Variants in THSD4 observed in about 807,000 individuals in gnomAD.
THSD4 encodes thrombospondin type-1 domain-containing protein 4.
THSD4 carries 69 observed loss-of-function variants against 119.0 expected under a neutral mutation model. That is an observed-to-expected ratio of 0.58 (90% CI 0.48 to 0.71). The LOEUF is 0.71. THSD4 is among the 30% of genes least tolerant of loss of function. The probability of loss-of-function intolerance (pLI) is 0.00; values close to 1 mark genes in which losing one functional copy is unlikely to be tolerated. For missense variants in THSD4, 1,393 were observed against 1,391.1 expected (o/e 1.00, Z -0.02); for synonymous variants, 524 against 540.4 (o/e 0.97, Z 0.42).
intron 17 of THSD4, among the ~76,000 whole-genome samples, chr15:71,773,275 G>A (rs748532127): frequency 2.0e-5 from 3 of 151,250 alleles, no homozygotes; most frequent in Non-Finnish European, 4.4e-5. Context: ...TTTGTCTCAG[G>A]CCAGATAATA....
chr15:71,486,662 A>G (rs1048960721), intron 7 of THSD4, among the ~76,000 whole-genome samples: 2 of 134,366 alleles, frequency 1.5e-5, no homozygotes, highest in African/African-American at 2.9e-5. Flanking sequence ...GTCCACCTCT[A>G]TATACATTTT....
chr15:71,487,513 A>T (rs878993397), intron 7 of THSD4, among the ~76,000 whole-genome samples: 2 of 152,238 alleles, frequency 1.3e-5, no homozygotes. Context: ...AACCTGCAAG[A>T]AACTGTCAAC....
intron 7 of THSD4, among the ~76,000 whole-genome samples, chr15:71,552,683 G>A (rs749361853): frequency 5.3e-5 from 8 of 152,228 alleles, no homozygotes; most frequent in Admixed American, 1.3e-4. Flanking sequence ...GTCTCACCCT[G>A]TCACCCAGGT....
At position 71,293,139 on chromosome 15, in the gene THSD4, CGTGCAT is replaced by C. The variant is rs567478668; in HGVS notation, c.1015+36429_1015+36434del. On this transcript the variant is annotated intron_variant, in intron 6 of 17. Coordinates refer to ENST00000261862, the MANE Select transcript of THSD4 (RefSeq NM_024817.3). Reference sequence around the variant, plus strand: ...CATATTGGACAGGTCGAAAGTTCTACGTGCATGTGCTGCAGATGCCCTGTGCCGTGC... The same window carrying C: ...CATATTGGACAGGTCGAAAGTTCTACGTGCTGCAGATGCCCTGTGCCGTGC... Among the ~76,000 whole-genome samples the C allele has an allele frequency of 3.3e-5, 5 of 152,292 alleles. No individual in the cohort carries two copies. The East Asian group carries it at 7.7e-4, about 24-fold the overall frequency.
At position 71,297,111 on chromosome 15, in the gene THSD4, T is replaced by G. The variant is rs1281414014; in HGVS notation, c.1015+40396T>G. On this transcript the variant is annotated intron_variant, in intron 6 of 17. Coordinates refer to ENST00000261862, the MANE Select transcript of THSD4 (RefSeq NM_024817.3). Reference sequence around the variant, plus strand: ...ATTCACATAGCATAATATTAACCCATTTCCTTCACATCCTTGTTATTTATT... The same window carrying G: ...ATTCACATAGCATAATATTAACCCAGTTCCTTCACATCCTTGTTATTTATT... 3.9e-5 allele frequency among the ~76,000 whole-genome samples: 6 copies of G among 152,118 alleles called. No individual in the cohort carries two copies. The East Asian group carries it at 1.2e-3, about 29-fold the overall frequency.
At chr15:71,392,321 C>T (rs375101214) in intron 6 of THSD4, among the ~76,000 whole-genome samples, 1 of 152,156 alleles carries the variant, frequency 6.6e-6, no homozygotes. Context: ...TTATTGAGTG[C>T]CTGTGCTTTT....
chr15:71,658,599 G>T (rs960830427), intron 7 of THSD4, among the ~76,000 whole-genome samples: 1 of 152,096 alleles, frequency 6.6e-6, no homozygotes, highest in Non-Finnish European at 1.5e-5. Flanking sequence ...TGACATTTTT[G>T]TTGTTGTTGT....
intron 6 of THSD4, among the ~76,000 whole-genome samples, chr15:71,360,033 C>T (rs1049115160): frequency 6.6e-5 from 10 of 152,270 alleles, no homozygotes; most frequent in Admixed American, 6.5e-4. Flanking sequence ...AGGTTGACTG[C>T]ACTCAGCTGG....
chr15:71,449,557 G>A (rs527621148), intron 7 of THSD4, among the ~76,000 whole-genome samples: 1 of 152,238 alleles, frequency 6.6e-6, no homozygotes, highest in East Asian at 1.9e-4. Context: ...TACAGTGCCT[G>A]CTACTCTGTA....
At chr15:71,307,970 T>C (rs972378276) in intron 6 of THSD4, among the ~76,000 whole-genome samples, 1 of 152,190 alleles carries the variant, frequency 6.6e-6, no homozygotes, top group African/African-American at 2.4e-5. Context: ...TGATACATGC[T>C]TCCCCACCAG....
intron 11 of THSD4, among the ~76,000 whole-genome samples, chr15:71,743,429 G>A (rs571451780): frequency 6.6e-6 from 1 of 152,192 alleles, no homozygotes; most frequent in Non-Finnish European, 1.5e-5. Context: ...TCCCTTAATA[G>A]CCGGGTCCCA....
chr15:71,595,777 G>A (rs1595768234), intron 7 of THSD4, among the ~76,000 whole-genome samples: 1 of 152,118 alleles, frequency 6.6e-6, no homozygotes, highest in African/African-American at 2.4e-5. Context: ...CTAGTTCAAC[G>A]CCCTCCATTT....
At chr15:71,199,385 A>G (rs374978158) in intron 3 of THSD4, among the ~76,000 whole-genome samples, 2 of 151,166 alleles carry the variant, frequency 1.3e-5, no homozygotes, top group Non-Finnish European at 1.5e-5. Flanking sequence ...TGCCTGGCTT[A>G]TCGTAGAGTA....
chr15:71,675,993 C>T (rs574109491), intron 8 of THSD4, among the ~76,000 whole-genome samples: 1 of 152,226 alleles, frequency 6.6e-6, no homozygotes, highest in Non-Finnish European at 1.5e-5. Context: ...TGATTACAAT[C>T]ATGCATCCCA....
chr15:71,287,823 T>A (rs1345337078), intron 6 of THSD4, among the ~76,000 whole-genome samples: 1 of 152,206 alleles, frequency 6.6e-6, no homozygotes, highest in Non-Finnish European at 1.5e-5. Flanking sequence ...CAGCTCTTCT[T>A]GGATTGATAA....
chr15:71,767,916 C>A (rs2053742276), intron 16 of THSD4, among the ~76,000 whole-genome samples: 1 of 152,142 alleles, frequency 6.6e-6, no homozygotes, highest in Admixed American at 6.5e-5. Context: ...CATTGAGCAT[C>A]AGTAAGAATA....
At chr15:71,627,987 A>G (rs1046730180) in intron 7 of THSD4, among the ~76,000 whole-genome samples, 2 of 152,192 alleles carry the variant, frequency 1.3e-5, no homozygotes, top group African/African-American at 4.8e-5. Context: ...ATTCCAGCTA[A>G]GCATTCTCTT....
At chr15:71,344,526 G>A (rs774978268) in intron 6 of THSD4, among the ~76,000 whole-genome samples, 1 of 152,152 alleles carries the variant, frequency 6.6e-6, no homozygotes, top group African/African-American at 2.4e-5. Flanking sequence ...GAGCATACAT[G>A]CAGGGGGCTG....
At chr15:71,538,008 C>A (rs62026272) in intron 7 of THSD4, among the ~76,000 whole-genome samples, 31,735 of 152,022 alleles carry the variant, frequency 0.21, 3,506 homozygotes, top group Non-Finnish European at 0.25. Flanking sequence ...GATCCACCTA[C>A]CTCGGCCTTC....
Sources: gnomAD v4.1 joint callset for allele counts (sites outside exome capture counted in the v4.1 genomes callset) on GRCh38, gnomAD v4.1.1 for gene constraint, MANE v1.5 for transcripts, NCBI Gene and HGNC (gene_info 2026-07-23, HGNC 2026-07-21) for gene names.